The following PANK2 variants were observed in gnomAD, a reference collection of about 807,000 sequenced individuals.
PANK2 encodes pantothenate kinase 2, mitochondrial.
PANK2 carries 36 observed loss-of-function variants against 43.1 expected under a neutral mutation model. The observed-to-expected ratio is 0.84, with a 90% CI of 0.64 to 1.10. PANK2 has a LOEUF of 1.10. PANK2 is among the 50% of genes least tolerant of loss of function. PANK2 has a pLI of 0.00. For synonymous variants in PANK2, 281 were observed against 238.2 expected (o/e 1.18, Z -1.66); for missense variants, 576 against 593.3 (o/e 0.97, Z 0.30).
Position 3,889,437 on chromosome 20 carries a change from G to C in PANK2, c.7G>C (p.Gly3Arg). The stretch of plus-strand genomic sequence containing the variant: ...GGCGAGAAGGAATCCGACGCTGGGG[G>C]GCTTGCTCGGGCGGCAGCGACTGCT... Residue 3 changes from glycine to arginine, a missense_variant, in exon 1 of 7, where the codon GGC becomes CGC. This residue lies in a region of PANK2 where 544 missense variants were observed against 528.9 expected (regional missense o/e 1.03). Transcript: ENST00000610179. The C allele has an allele frequency of 6.4e-7, 1 of 1,557,384 alleles. No homozygotes were observed. The highest frequency in any genetic ancestry group is 8.6e-7 in the Non-Finnish European group (1 of 1,157,364).
rs1321468216 is a variant in PANK2 at position 3,928,203 on chromosome 20, A to AGAG, written c.*4910_*4912dup. 6 of 152,366 alleles carry AGAG rather than the reference A, an allele frequency of 3.9e-5. No homozygotes were observed. Among genetic ancestry groups the AGAG allele is most frequent in the African/African-American group, 1.4e-4 (6 of 41,582 alleles). 9.4% of individuals were successfully genotyped at this position (152,366 alleles called of 1,614,324 possible). On this transcript the variant is annotated 3_prime_UTR_variant, in exon 7 of 7. Coordinates refer to ENST00000610179, the MANE Select transcript of PANK2 (RefSeq NM_001386393.1). ...TACAGGAAAAGACACACCCAGGGCCAGAGATTCTACAAATGCCAGAAGAGT... is the reference window on the plus strand; with the variant it reads ...TACAGGAAAAGACACACCCAGGGCCAGAGGAGATTCTACAAATGCCAGAAGAGT...
At chr20:3,890,970 C>T (rs1179531836) in intron 1 of PANK2, among the ~76,000 whole-genome samples, 3 of 152,198 alleles carry the variant, frequency 2.0e-5, no homozygotes, top group African/African-American at 7.2e-5. Context: ...TTTTGTATTA[C>T]ATCGTTGGAA....
intron 6 of PANK2, 77 bp from the exon 7 acceptor site, chr20:3,923,167 A>C (rs2090673228): frequency 6.5e-7 from 1 of 1,529,740 alleles, no homozygotes; most frequent in Non-Finnish European, 9.1e-7. Flanking sequence ...GTTGGCTTTA[A>C]CACTAGTCAT....
rs555614154 is a variant in PANK2 at position 3,897,181 on chromosome 20, C to T, written c.298+7453C>T. Among the ~76,000 whole-genome samples, 254 of 152,246 alleles carry T rather than the reference C, an allele frequency of 1.7e-3. 1 individual carries two copies. Among genetic ancestry groups the T allele is most frequent in the Middle Eastern group, 6.8e-3 (2 of 294 alleles). On this transcript the variant is annotated intron_variant, in intron 1 of 6. Transcript: ENST00000610179. The stretch of plus-strand genomic sequence containing the variant: ...CTGTGGTGTGAGAGCAGAGGAAAAA[C>T]TTTGTTTTTCCACACTCTTAAAGGA...
intron 1 of PANK2, among the ~76,000 whole-genome samples, chr20:3,902,677 T>C (rs898916010): frequency 7.3e-5 from 11 of 151,478 alleles, no homozygotes; most frequent in African/African-American, 2.7e-4. Flanking sequence ...CATCTCGGCC[T>C]CCCAAAATGC....
At chr20:3,893,950 T>A (rs1056876731) in intron 1 of PANK2, among the ~76,000 whole-genome samples, 12 of 135,604 alleles carry the variant, frequency 8.8e-5, no homozygotes, top group South Asian at 4.4e-4. Context: ...TTTTTTTTTT[T>A]AGAGGAGTTT....
At chr20:3,889,322 C>A (rs1315275352), upstream of PANK2, 3 of 1,592,102 alleles carry the variant, frequency 1.9e-6, no homozygotes, top group Non-Finnish European at 2.6e-6. Flanking sequence ...CGTCCCCAGC[C>A]TCGTCGGATT....
At chr20:3,892,202 G>T (rs988481869) in intron 1 of PANK2, among the ~76,000 whole-genome samples, 45 of 152,104 alleles carry the variant, frequency 3.0e-4, no homozygotes, top group African/African-American at 1.1e-3. Context: ...AAATTAGCTG[G>T]GCGTGGTGGT....
At chr20:3,916,503 CTG>C (rs1399042857) in intron 4 of PANK2, among the ~76,000 whole-genome samples, 2 of 152,186 alleles carry the variant, frequency 1.3e-5, no homozygotes, top group African/African-American at 4.8e-5. Context: ...ACTCAGCTGT[CTG>C]TGCTTTACTC....
chr20:3,895,273 C>CA (rs1249028121), intron 1 of PANK2, among the ~76,000 whole-genome samples: 6 of 151,594 alleles, frequency 4.0e-5, no homozygotes, highest in African/African-American at 1.2e-4. Flanking sequence ...GACTCCATCT[C>CA]AAATAAAATA....
intron 4 of PANK2, among the ~76,000 whole-genome samples, chr20:3,914,208 C>T (rs987214377): frequency 7.9e-5 from 12 of 152,032 alleles, no homozygotes; most frequent in Non-Finnish European, 2.9e-5. Context: ...GTGGCAGTCC[C>T]ATTTTACAAT....
rs763074685 is a variant in PANK2, at chr20:3,889,394, C to T, written c.-37C>T. On this transcript the variant is annotated 5_prime_UTR_variant, in exon 1 of 7. Coordinates refer to ENST00000610179, the MANE Select transcript of PANK2 (RefSeq NM_001386393.1). ...GGCCGAGGGCGCGCCTCTGCTCTGG[C>T]TGGACTGCCGCGGAGGAGGCGAGAA... 1 of 1,574,408 alleles carries T rather than the reference C, an allele frequency of 6.4e-7. No homozygotes were observed. The highest frequency in any genetic ancestry group is 1.2e-5 in the South Asian group (1 of 86,682).
In PANK2 at chr20:3,924,411, T is replaced by C. The variant is rs1436947870; in HGVS notation, c.*1117T>C. 2.6e-5 allele frequency: 4 copies of C among 152,308 alleles called. No individual in the cohort carries two copies. The highest frequency in any genetic ancestry group is 9.7e-5 in the African/African-American group (4 of 41,424). The allele number at this position is 152,308 out of a possible 1,614,324, so 9.4% of individuals were successfully genotyped here. Reference sequence around the variant, plus strand: ...CTCCCTGCTCCCCTCCGTTTAAGGCTGTGGTCAGGGAGGGATGGGCAGGGT... The same window carrying C: ...CTCCCTGCTCCCCTCCGTTTAAGGCCGTGGTCAGGGAGGGATGGGCAGGGT... On this transcript the variant is annotated 3_prime_UTR_variant, in exon 7 of 7. Coordinates refer to ENST00000610179, the MANE Select transcript of PANK2 (RefSeq NM_001386393.1).
At chr20:3,914,079 G>T (rs551499064) in intron 4 of PANK2, among the ~76,000 whole-genome samples, 1 of 151,826 alleles carries the variant, frequency 6.6e-6, no homozygotes, top group Non-Finnish European at 1.5e-5. Context: ...GTGAGCCACT[G>T]CGCCTGGCCT....
intron 2 of PANK2, among the ~76,000 whole-genome samples, chr20:3,909,325 C>T (rs943107354): frequency 5.3e-5 from 8 of 152,198 alleles, no homozygotes; most frequent in Admixed American, 5.2e-4. Context: ...GGTGATCTGC[C>T]TGCTTCAGCC....
At chr20:3,888,940 ACCAGCGGC>A, upstream of PANK2, 7 of 596,294 alleles carry the variant, frequency 1.2e-5, no homozygotes, top group Admixed American at 6.1e-5. Flanking sequence ...TCTGCCGACG[ACCAGCGGC>A]CAGACGCTGC....
Position 3,927,004 on chromosome 20 carries a change from GAC to G in PANK2, c.*3711_*3712del, listed in dbSNP as rs1214151904. ...CCCTGGTGCTGGCGTTCACGTGGAA[GAC>G]TGCTTATCTGTATCCAGCTGTTTGC... is the stretch of plus-strand genomic sequence containing the variant. On this transcript the variant is annotated 3_prime_UTR_variant, in exon 7 of 7. Transcript: ENST00000610179. 1 of 153,454 alleles carries G rather than the reference GAC, an allele frequency of 6.5e-6. No individual in the cohort carries two copies. Among genetic ancestry groups the G allele is most frequent in the African/African-American group, 2.4e-5 (1 of 41,102 alleles). The allele number at this position is 153,454 out of a possible 1,614,324, so 9.5% of individuals were successfully genotyped here.
At chr20:3,892,566 A>G (rs1681665165) in intron 1 of PANK2, among the ~76,000 whole-genome samples, 1 of 150,418 alleles carries the variant, frequency 6.6e-6, no homozygotes. Context: ...AGTCGCAGCT[A>G]CTCGGGAGGC....
chr20:3,905,513 AT>A (rs1365300973), intron 1 of PANK2, among the ~76,000 whole-genome samples: 1 of 142,582 alleles, frequency 7.0e-6, no homozygotes. Flanking sequence ...CGCCCGGCTA[AT>A]TTTTTTGTAT....
Sources: allele counts gnomAD v4.1 joint callset (sites outside exome capture counted in the v4.1 genomes callset), GRCh38; gene constraint gnomAD v4.1.1; regional missense constraint gnomAD v4.1.1; transcripts MANE v1.5; gene names NCBI Gene and HGNC (gene_info 2026-07-23, HGNC 2026-07-21).